CCDC81: variants seen among roughly 807,000 people sequenced by gnomAD.
The protein encoded by CCDC81 is coiled-coil domain containing 81.
CCDC81 carries 79 observed loss-of-function variants against 83.7 expected under a neutral mutation model. The ratio of observed to expected loss-of-function variants is 0.94; its 90% CI spans 0.79 to 1.14. The LOEUF is 1.14. CCDC81 is among the 50% of genes most tolerant of loss of function. The pLI is 0.00. For missense variants in CCDC81, 791 were observed against 778.1 expected, an observed-to-expected ratio of 1.02 and a Z score of -0.20; for synonymous variants, 252 against 278.1, an observed-to-expected ratio of 0.91 and a Z score of 0.93.
chr11:86,392,547 T>A lies in CCDC81; in HGVS notation c.305T>A (p.Ile102Asn). ...KQNKVYTPGEIPIVPLNFVMI... is the reference protein window; with the variant it reads ...KQNKVYTPGENPIVPLNFVMI... ...ACTGTCTTTTCTCCTTTAGGTGAAATCCCAATTGTTCCACTTAATTTTGTC... is the reference window on the plus strand; with the variant it reads ...ACTGTCTTTTCTCCTTTAGGTGAAAACCCAATTGTTCCACTTAATTTTGTC... Residue 102 changes from isoleucine to asparagine, a missense_variant, in exon 4 of 15, where the codon ATC becomes AAC. By Grantham distance (149) the Ile-to-Asn change is moderately radical. Transcript: ENST00000445632. The A allele has an allele frequency of 6.4e-7, 1 of 1,550,600 alleles. No homozygotes were observed. Among genetic ancestry groups the A allele is most frequent in the Non-Finnish European group, 8.7e-7 (1 of 1,146,288 alleles).
chr11:86,395,397 GT>G lies in CCDC81; in HGVS notation c.620del (p.Val207GlyfsTer22), dbSNP rs764027357. 2.9e-5 allele frequency: 47 copies of G among 1,613,944 alleles called. No individual in the cohort carries two copies. The highest frequency in any genetic ancestry group is 1.6e-4 in the Middle Eastern group (1 of 6,082). ...GGCCTTGAGGAAGTGGCCCAGCAGT[GT>G]GCTTGCGTTTCCAAGGTGAGTGCTT... ...REALRKWPSS[V>X]LAFPRIELKE... On this transcript the variant is annotated frameshift_variant, in exon 5 of 15. Coordinates refer to ENST00000445632, the MANE Select transcript of CCDC81 (RefSeq NM_001156474.2). LOFTEE classifies it high-confidence loss of function.
Position 86,392,663 on chromosome 11 carries a change from A to C in CCDC81, c.421A>C (p.Lys141Gln). Residue 141 changes from lysine to glutamine, a missense_variant, in exon 4 of 15, where the codon AAA becomes CAA. Physicochemically the swap from Lys to Gln is moderately conservative, Grantham distance 53 (BLOSUM62 1). Transcript: ENST00000445632. ...TTTTTTATCGCGTTCCATTTCCATG[A>C]AACAAAATGTGGAGTTTACATTCAA... ...LLFLSRSISM[K>Q]QNVEFTFKGI... 2 of 1,551,700 alleles carry C rather than the reference A, an allele frequency of 1.3e-6. No homozygotes were observed. Among genetic ancestry groups the C allele is most frequent in the Non-Finnish European group, 1.7e-6 (2 of 1,146,968 alleles).
Position 86,408,203 on chromosome 11 carries a change from T to G in CCDC81, c.1046T>G (p.Ile349Arg). Reference sequence around the variant, plus strand: ...TACAGTGAGGAAAGGAGGAGAGAGATAGAAGATGAGAGACTCATACAGCAG... The same window carrying G: ...TACAGTGAGGAAAGGAGGAGAGAGAGAGAAGATGAGAGACTCATACAGCAG... ...LYYSEERRRE[I>R]EDERLIQQYQ... Residue 349 changes from isoleucine (I) to arginine (R), a missense_variant, in exon 9 of 15, where the codon ATA becomes AGA. Physicochemically the swap from Ile to Arg is moderately conservative, Grantham distance 97. Transcript: ENST00000445632. 6.2e-7 allele frequency: 1 copy of G among 1,613,976 alleles called. No individual in the cohort carries two copies. Among genetic ancestry groups the G allele is most frequent in the South Asian group, 1.1e-5 (1 of 91,058 alleles).
chr11:86,407,681 G>A lies in CCDC81; in HGVS notation c.949G>A (p.Asp317Asn). The A allele has an allele frequency of 1.2e-6, 2 of 1,613,396 alleles. No homozygotes were observed. The highest frequency in any genetic ancestry group is 1.3e-5 in the African/African-American group (1 of 74,974). Residue 317 changes from aspartate to asparagine, a missense_variant, in exon 8 of 15, where the codon GAT becomes AAT. Asp to Asn is a conservative substitution (Grantham distance 23). Coordinates refer to ENST00000445632, the MANE Select transcript of CCDC81 (RefSeq NM_001156474.2). Reference sequence around the variant, plus strand: ...GCCCCAAACATCTCCAGCTTGCCAGGATCATAACAAGGCAGGACAGGTACA... The same window carrying A: ...GCCCCAAACATCTCCAGCTTGCCAGAATCATAACAAGGCAGGACAGGTACA... ...MKPQTSPACQ[D>N]HNKAGQEMCY...
rs1165898747 is a variant in CCDC81, at chr11:86,377,035, C to CAT, written c.79+1797_79+1798dup. 5.3e-5 allele frequency among the ~76,000 whole-genome samples: 8 copies of CAT among 152,296 alleles called. No homozygotes were observed. In the East Asian group the frequency reaches 1.5e-3, roughly 29 times the overall value. On this transcript the variant is annotated intron_variant, in intron 1 of 14. Coordinates refer to ENST00000445632, the MANE Select transcript of CCDC81 (RefSeq NM_001156474.2). ...TTCCAGAATGTAATATAGTTGGAAT[C>CAT]ATATAGTTTAAGCCTTTTCAGATTG...
chr11:86,391,569 T>C (rs1379578061), intron 3 of CCDC81, among the ~76,000 whole-genome samples: 1 of 152,218 alleles, frequency 6.6e-6, no homozygotes, highest in African/African-American at 2.4e-5. Context: ...TGTAGTGTCA[T>C]ATATGGGCTC....
At chr11:86,404,079 A>T (rs1948531755) in intron 7 of CCDC81, among the ~76,000 whole-genome samples, 1 of 152,174 alleles carries the variant, frequency 6.6e-6, no homozygotes, top group African/African-American at 2.4e-5. Flanking sequence ...ATTAAAAAAA[A>T]TACAAATGAA....
Position 86,419,835 on chromosome 11 carries a change from G to T in CCDC81, c.1692-93G>T, listed in dbSNP as rs571722766. On this transcript the variant is annotated intron_variant, in intron 13 of 14. Transcript: ENST00000445632. Reference sequence around the variant, plus strand: ...TCAGAGTAGTGAACAAAACCAGAAGGTTTTTTTTGTTTAACATAAAAGGAA... The same window carrying T: ...TCAGAGTAGTGAACAAAACCAGAAGTTTTTTTTTGTTTAACATAAAAGGAA... The T allele has an allele frequency of 1.4e-4, 192 of 1,381,518 alleles. No individual in the cohort carries two copies. The East Asian group carries it at 2.8e-3, about 20-fold the overall frequency. The allele number at this position is 1,381,518 out of a possible 1,614,324, so 85.6% of individuals were successfully genotyped here.
chr11:86,412,590 G>A, intron 11 of CCDC81, 31 bp downstream of exon 11: 1 of 1,547,386 alleles, frequency 6.5e-7, no homozygotes, highest in Non-Finnish European at 8.7e-7. Flanking sequence ...TCTGACAAAT[G>A]GATTTGGAAT....
At chr11:86,389,616 C>T (rs564522918) in intron 3 of CCDC81, among the ~76,000 whole-genome samples, 1 of 152,230 alleles carries the variant, frequency 6.6e-6, no homozygotes, top group African/African-American at 2.4e-5. Context: ...AGAACTCACT[C>T]ACTATTATGA....
chr11:86,391,550 G>A (rs1231324395), intron 3 of CCDC81, among the ~76,000 whole-genome samples: 3 of 152,050 alleles, frequency 2.0e-5, no homozygotes, highest in Non-Finnish European at 4.4e-5. Flanking sequence ...AGATATAATC[G>A]TATTCCTTTG....
intron 7 of CCDC81, among the ~76,000 whole-genome samples, chr11:86,406,299 TG>T (rs1948565032): frequency 6.6e-6 from 1 of 152,340 alleles, no homozygotes; most frequent in South Asian, 2.1e-4. Flanking sequence ...CGAATCAATC[TG>T]GTTGTCATTC....
intron 7 of CCDC81, among the ~76,000 whole-genome samples, chr11:86,403,882 T>C (rs1366314225): frequency 6.6e-6 from 1 of 152,148 alleles, no homozygotes; most frequent in Non-Finnish European, 1.5e-5. Context: ...TTTAGCTTTG[T>C]TGGGGATTAG....
intron 3 of CCDC81, 37 bp downstream of exon 3, chr11:86,387,709 T>C (rs1189655938): frequency 1.4e-6 from 2 of 1,455,964 alleles, no homozygotes; most frequent in Non-Finnish European, 1.9e-6. Flanking sequence ...TCCCAGAAGG[T>C]TACTGTCCTG....
Position 86,419,950 on chromosome 11 carries a change from G to C in CCDC81, c.1714G>C (p.Glu572Gln), listed in dbSNP as rs745486417. The C allele has an allele frequency of 6.2e-7, 1 of 1,613,646 alleles. No individual in the cohort carries two copies. The highest frequency in any genetic ancestry group is 1.3e-5 in the African/African-American group (1 of 75,028). ...QREHLADRTA[E>Q]LERVNRVNQC... is the part of the protein sequence containing the mutation. ...CAGGCACTTGGCAGACAGAACCGCTGAGCTGGAGCGAGTAAATAGAGTCAA... is the reference window on the plus strand; with the variant it reads ...CAGGCACTTGGCAGACAGAACCGCTCAGCTGGAGCGAGTAAATAGAGTCAA... Residue 572 changes from glutamate to glutamine, a missense_variant, in exon 14 of 15, where the codon GAG becomes CAG. Physicochemically the swap from Glu to Gln is conservative, Grantham distance 29 (BLOSUM62 2). Transcript: ENST00000445632.
chr11:86,414,991 T>A, intron 12 of CCDC81, 102 bp from the exon 13 acceptor site: 1 of 1,441,190 alleles, frequency 6.9e-7, no homozygotes, highest in Non-Finnish European at 9.6e-7. Context: ...TGCCCCGCAT[T>A]CCTTCCTGTA....
At chr11:86,381,697 G>C (rs1252159814) in intron 1 of CCDC81, among the ~76,000 whole-genome samples, 1 of 152,176 alleles carries the variant, frequency 6.6e-6, no homozygotes, top group Non-Finnish European at 1.5e-5. Flanking sequence ...ATGGACCCAA[G>C]AAGAGTTGTT....
Position 86,387,598 on chromosome 11 carries a change from A to G in CCDC81, c.224A>G (p.Gln75Arg). 6.2e-7 allele frequency: 1 copy of G among 1,612,850 alleles called. No individual in the cohort carries two copies. Among genetic ancestry groups the G allele is most frequent in the Non-Finnish European group, 8.5e-7 (1 of 1,178,842 alleles). Reference protein sequence around the residue: ...EVGNNKFILIQRPVFIMVEKL... With the variant: ...EVGNNKFILIRRPVFIMVEKL... ...GGAAACAACAAATTTATCTTAATCC[A>G]GAGGCCTGTGTTTATCATGGTGGAG... Residue 75 changes from glutamine (Q) to arginine (R), a missense_variant, in exon 3 of 15, where the codon CAG becomes CGG. Coordinates refer to ENST00000445632, the MANE Select transcript of CCDC81 (RefSeq NM_001156474.2).
chr11:86,390,613 G>A (rs991891578), intron 3 of CCDC81, among the ~76,000 whole-genome samples: 1 of 152,150 alleles, frequency 6.6e-6, no homozygotes, highest in Non-Finnish European at 1.5e-5. Flanking sequence ...ATCAGGAGGG[G>A]AAATGAGGGT....
Sources: gnomAD v4.1 joint callset for allele counts (sites outside exome capture counted in the v4.1 genomes callset) on GRCh38, gnomAD v4.1.1 for gene constraint, MANE v1.5 for transcripts, NCBI Gene and HGNC (gene_info 2026-07-23, HGNC 2026-07-21) for gene names.